The following CENPP variants were observed in gnomAD, a reference collection of about 807,000 sequenced individuals.
The protein encoded by CENPP is centromere protein P.
A neutral mutation model predicts 35.6 loss-of-function variants in CENPP; 24 were observed. That is an observed-to-expected ratio of 0.67 (90% CI 0.49 to 0.95). CENPP has a LOEUF of 0.95. Among genes scored for constraint, CENPP ranks in the 40% least tolerant of loss-of-function variants. CENPP has a pLI of 0.00. For synonymous variants in CENPP, 120 were observed against 125.5 expected (o/e 0.96, Z 0.29); for missense variants, 332 against 345.3 (o/e 0.96, Z 0.31).
At chr9:92,380,623 A>G (rs1484248928) in intron 5 of CENPP, among the ~76,000 whole-genome samples, 1 of 152,220 alleles carries the variant, frequency 6.6e-6, no homozygotes, top group African/African-American at 2.4e-5. Context: ...TGTCAGGCCT[A>G]GGATTTTTTT....
intron 2 of CENPP, among the ~76,000 whole-genome samples, chr9:92,334,543 G>C (rs1840860692): frequency 6.6e-6 from 1 of 152,170 alleles, no homozygotes; most frequent in East Asian, 1.9e-4. Flanking sequence ...CTCTTCTGCT[G>C]TCTGTGAACT....
intron 5 of CENPP, among the ~76,000 whole-genome samples, chr9:92,402,687 A>G (rs549167905): frequency 1.3e-5 from 2 of 152,326 alleles, no homozygotes; most frequent in East Asian, 3.9e-4. Flanking sequence ...AACTGTTAAA[A>G]TTGATTTAAA....
At chr9:92,482,449 C>T (rs1279490541) in intron 5 of CENPP, 1 of 152,102 alleles carries the variant, frequency 6.6e-6, no homozygotes, top group Non-Finnish European at 1.5e-5. Flanking sequence ...CCTGGTGTGG[C>T]TGCACCCTGG....
intron 5 of CENPP, among the ~76,000 whole-genome samples, chr9:92,592,371 T>C (rs1850686742): frequency 6.6e-6 from 1 of 152,182 alleles, no homozygotes; most frequent in African/African-American, 2.4e-5. Context: ...TAGAACCTGA[T>C]GTGTATGAAA....
chr9:92,555,003 T>TTTGTTG (rs57027847), intron 5 of CENPP, among the ~76,000 whole-genome samples: 4,537 of 149,804 alleles, frequency 0.03, 65 homozygotes, highest in Non-Finnish European at 0.042. Flanking sequence ...GTCTGTATTG[T>TTTGTTG]TTGTTGTTGT....
chr9:92,552,151 A>AGATCTATCATATATATGTGATGTGATAT (rs1554686411), intron 5 of CENPP, among the ~76,000 whole-genome samples: 2 of 143,566 alleles, frequency 1.4e-5, no homozygotes, highest in Non-Finnish European at 3.0e-5. Context: ...GTGATATGAT[A>AGATCTATCATATATATGTGATGTGATAT]GATCTATCAT....
intron 5 of CENPP, among the ~76,000 whole-genome samples, chr9:92,569,199 T>G (rs1313042692): frequency 2.6e-5 from 4 of 152,222 alleles, no homozygotes; most frequent in African/African-American, 9.6e-5. Flanking sequence ...TCTTCTAGGA[T>G]TATTATGGTT....
intron 5 of CENPP, chr9:92,404,742 G>T: frequency 1.1e-6 from 1 of 896,544 alleles, no homozygotes; most frequent in Non-Finnish European, 1.4e-6. Flanking sequence ...TGTTGTAACT[G>T]CTGCACTCAG....
intron 5 of CENPP, among the ~76,000 whole-genome samples, chr9:92,538,187 G>C (rs186904131): frequency 6.0e-4 from 92 of 152,298 alleles, no homozygotes; most frequent in African/African-American, 2.1e-3. Flanking sequence ...TAACCCAGTT[G>C]TGTATAGATA....
intron 5 of CENPP, among the ~76,000 whole-genome samples, chr9:92,594,554 C>T (rs1850732464): frequency 6.6e-6 from 1 of 152,190 alleles, no homozygotes; most frequent in South Asian, 2.1e-4. Context: ...GACTACTTTG[C>T]TGAGACTTTT....
rs151092338 is a variant in CENPP at position 92,537,661 on chromosome 9, AAAAAGAAAAG to A, written c.565-73638_565-73629del. Among the ~76,000 whole-genome samples, 20 of 152,272 alleles carry A rather than the reference AAAAAGAAAAG, an allele frequency of 1.3e-4. No homozygotes were observed. The East Asian group carries it at 3.1e-3, about 24-fold the overall frequency. The stretch of plus-strand genomic sequence containing the variant: ...GGCAACAGAGCGAGACTACATCTCA[AAAAAGAAAAG>A]AAAAGAAAAGAAAAAGATGAGTACA... On this transcript the variant is annotated intron_variant, in intron 5 of 7. Transcript: ENST00000375587.
chr9:92,605,550 C>T (rs140274637), intron 5 of CENPP, among the ~76,000 whole-genome samples: 2 of 152,196 alleles, frequency 1.3e-5, no homozygotes, highest in Non-Finnish European at 2.9e-5. Context: ...ATGGGGAAAG[C>T]AGGAGTCTTT....
Position 92,580,665 on chromosome 9 carries a change from T to G in CENPP, c.565-30649T>G, listed in dbSNP as rs10992377. ...GTGGTGATATCCCCTTTATCATTTTTTATTGCATCTATTTGATTCTTCTCT... is the reference window on the plus strand; with the variant it reads ...GTGGTGATATCCCCTTTATCATTTTGTATTGCATCTATTTGATTCTTCTCT... On this transcript the variant is annotated intron_variant, in intron 5 of 7. Transcript: ENST00000375587. Among the ~76,000 whole-genome samples the G allele has an allele frequency of 7.7e-4, 117 of 152,348 alleles. No individual in the cohort carries two copies. In the East Asian group the frequency reaches 0.021, roughly 27 times the overall value.
intron 5 of CENPP, chr9:92,509,953 C>T (rs1169255355): frequency 6.2e-7 from 1 of 1,610,622 alleles, no homozygotes; most frequent in African/African-American, 1.3e-5. Flanking sequence ...ACTTTAAGTT[C>T]TTCTAATGTA....
In CENPP at chr9:92,618,370, A is replaced by G. The variant is rs1288056473; in HGVS notation, c.*5221A>G. ...GACCCGGGCCTTCAGCTTTCCCCGCATGCTGGCTTTCCAATTTGACATCAC... is the reference window on the plus strand; with the variant it reads ...GACCCGGGCCTTCAGCTTTCCCCGCGTGCTGGCTTTCCAATTTGACATCAC... On this transcript the variant is annotated 3_prime_UTR_variant, in exon 8 of 8. Coordinates refer to ENST00000375587, the MANE Select transcript of CENPP (RefSeq NM_001012267.3). 4 of 456,492 alleles carry G rather than the reference A, an allele frequency of 8.8e-6. No individual in the cohort carries two copies. The East Asian group carries it at 2.1e-4, about 24-fold the overall frequency. 28.3% of individuals were successfully genotyped at this position (456,492 alleles called of 1,614,324 possible).
chr9:92,586,562 G>T (rs1403709854), intron 5 of CENPP, among the ~76,000 whole-genome samples: 1 of 152,160 alleles, frequency 6.6e-6, no homozygotes, highest in Non-Finnish European at 1.5e-5. Flanking sequence ...AGACCTAAGA[G>T]GAGACTAGCT....
chr9:92,559,025 G>A (rs1451740867), intron 5 of CENPP, among the ~76,000 whole-genome samples: 2 of 152,028 alleles, frequency 1.3e-5, no homozygotes, highest in African/African-American at 2.4e-5. Context: ...GGGCAAGAGG[G>A]GCTTGAAAAC....
intron 5 of CENPP, among the ~76,000 whole-genome samples, chr9:92,548,207 T>C (rs2131321705): frequency 7.2e-6 from 1 of 138,106 alleles, no homozygotes; most frequent in Admixed American, 6.9e-5. Context: ...ATGCTGATGG[T>C]TCTGCTTTGT....
chr9:92,606,921 C>A (rs898820756), intron 5 of CENPP, among the ~76,000 whole-genome samples: 5 of 152,132 alleles, frequency 3.3e-5, no homozygotes, highest in African/African-American at 1.2e-4. Context: ...CAAGATTGCA[C>A]CACTGCACTC....
Sources: allele counts gnomAD v4.1 joint callset (sites outside exome capture counted in the v4.1 genomes callset), GRCh38; gene constraint gnomAD v4.1.1; transcripts MANE v1.5; gene names NCBI Gene and HGNC (gene_info 2026-07-23, HGNC 2026-07-21).